Variants in SCARB2 observed in about 807,000 individuals in gnomAD.
The protein encoded by SCARB2 is scavenger receptor class B member 2, also known as lysosome membrane protein 2.
A neutral mutation model predicts 58.6 loss-of-function variants in SCARB2; 29 were observed. That is an observed-to-expected ratio of 0.49 (90% CI 0.37 to 0.67). The LOEUF (loss-of-function observed/expected upper bound fraction) is 0.67, where lower values mean the gene tolerates loss of function less well. SCARB2 is among the 30% of genes least tolerant of loss of function. The pLI, the probability that SCARB2 is intolerant of heterozygous loss-of-function variation, is 0.00. For missense variants in SCARB2, 488 were observed against 578.5 expected, an observed-to-expected ratio of 0.84 and a Z score of 1.60; for synonymous variants, 195 against 210.1, an observed-to-expected ratio of 0.93 and a Z score of 0.62.
At chr4:76,184,790 AAAAAAAAAATTTT>A in intron 2 of SCARB2, 1 of 321,396 alleles carries the variant, frequency 3.1e-6, no homozygotes, top group South Asian at 2.7e-5. Flanking sequence ...TCTACCAAAA[AAAAAAAAAATTTT>A]AATTTAAAAA....
upstream of SCARB2, chr4:76,214,444 G>T (rs1199931640): frequency 2.1e-5 from 8 of 388,624 alleles, no homozygotes; most frequent in Admixed American, 2.4e-4. Context: ...GGCATTGGGG[G>T]TGAAAGAGCA....
intron 1 of SCARB2, among the ~76,000 whole-genome samples, chr4:76,207,708 T>C (rs1482419736): frequency 1.3e-5 from 2 of 152,242 alleles, no homozygotes; most frequent in East Asian, 3.8e-4. Flanking sequence ...CAACATCCTA[T>C]GTTTTCATCA....
chr4:76,233,789 A>G (rs991349009), intron 1 of SCARB2, among the ~76,000 whole-genome samples: 6 of 152,152 alleles, frequency 3.9e-5, no homozygotes, highest in Non-Finnish European at 5.9e-5. Context: ...AGTGCCCCCA[A>G]TATGTAAAAC....
At chr4:76,182,807 A>G (rs552562085) in intron 2 of SCARB2, among the ~76,000 whole-genome samples, 5 of 152,364 alleles carry the variant, frequency 3.3e-5, no homozygotes, top group Non-Finnish European at 7.3e-5. Flanking sequence ...TGTCCCAGTA[A>G]ACCCATCATA....
At chr4:76,172,189 T>A (rs1483249498) in intron 7 of SCARB2, among the ~76,000 whole-genome samples, 1 of 147,758 alleles carries the variant, frequency 6.8e-6, no homozygotes, top group Non-Finnish European at 1.5e-5. Context: ...TGAAAAATAC[T>A]TTTGTCAGTT....
chr4:76,200,920 G>A (rs1007756361), intron 1 of SCARB2, among the ~76,000 whole-genome samples: 2 of 152,128 alleles, frequency 1.3e-5, no homozygotes, highest in Non-Finnish European at 2.9e-5. Context: ...CCTCTCTCCA[G>A]CCTTTTTCCT....
In SCARB2 at chr4:76,174,012, C is replaced by A. The variant is rs1313237268; in HGVS notation, c.994+132G>T. On this transcript the variant is annotated intron_variant, in intron 7 of 11. Coordinates refer to ENST00000264896, the MANE Select transcript of SCARB2 (RefSeq NM_005506.4). ...TTGAGAACTCCTGGGCTCAAGTGAT[C>A]ATCCCACCTCAGCATCCTTAGTAGC... 4 of 1,122,506 alleles carry A rather than the reference C, an allele frequency of 3.6e-6. No individual in the cohort carries two copies. The African/African-American group carries it at 6.2e-5, about 17-fold the overall frequency. The allele number at this position is 1,122,506 out of a possible 1,614,324, so 69.5% of individuals were successfully genotyped here.
intron 1 of SCARB2, among the ~76,000 whole-genome samples, chr4:76,205,921 G>C (rs1461727282): frequency 6.6e-6 from 1 of 152,172 alleles, no homozygotes; most frequent in Non-Finnish European, 1.5e-5. Flanking sequence ...CCTTCACTGG[G>C]CCTTGGGAGC....
intron 9 of SCARB2, 191 bp from the exon 10 acceptor site, chr4:76,166,492 G>T: frequency 1.6e-6 from 1 of 642,862 alleles, no homozygotes; most frequent in Non-Finnish European, 2.8e-6. Flanking sequence ...GCAATTCCAT[G>T]TGCTGTACGT....
chr4:76,199,526 T>C (rs892510315), intron 1 of SCARB2, among the ~76,000 whole-genome samples: 3 of 152,244 alleles, frequency 2.0e-5, no homozygotes, highest in African/African-American at 7.2e-5. Flanking sequence ...CATTAACAAC[T>C]GATACATCGG....
upstream of SCARB2, chr4:76,217,491 GAA>G: frequency 2.4e-6 from 1 of 409,224 alleles, no homozygotes; most frequent in Non-Finnish European, 4.3e-6. Flanking sequence ...GCGGGTTGTT[GAA>G]AAGAGCTGGC....
At chr4:76,189,114 T>C (rs17001604) in intron 2 of SCARB2, among the ~76,000 whole-genome samples, 16,232 of 152,274 alleles carry the variant, frequency 0.11, 1,065 homozygotes, top group East Asian at 0.21. Context: ...ATGTTTAATT[T>C]ACATATTCCA....
rs1560723450 is a variant in SCARB2 at position 76,213,470 on chromosome 4, A to C, written c.74T>G (p.Val25Gly). The C allele has an allele frequency of 2.5e-6, 4 of 1,610,732 alleles. No homozygotes were observed. Among genetic ancestry groups the C allele is most frequent in the Non-Finnish European group, 3.4e-6 (4 of 1,178,578 alleles). Residue 25 changes from valine (V) to glycine (G), a missense_variant, in exon 1 of 12, where the codon GTG (valine) becomes GGG (glycine). Physicochemically the swap from Val to Gly is moderately radical, Grantham distance 109. Coordinates refer to ENST00000264896, the MANE Select transcript of SCARB2 (RefSeq NM_005506.4). ...LLLVTSVTLL[V>G]ARVFQKAVDQ... ...TACAGCCTTCTGGAAGACCCGGGCC[A>C]CCAGCAGCGTGACGCTGGTCACCAG...
chr4:76,231,664 G>A (rs7665133), intron 1 of SCARB2, among the ~76,000 whole-genome samples: 63 of 152,314 alleles, frequency 4.1e-4, no homozygotes, highest in African/African-American at 1.5e-3. Context: ...GATTGGCTTC[G>A]ATGGAAGTTT....
At chr4:76,209,080 A>G (rs1378130614) in intron 1 of SCARB2, among the ~76,000 whole-genome samples, 1 of 152,226 alleles carries the variant, frequency 6.6e-6, no homozygotes, top group Non-Finnish European at 1.5e-5. Context: ...CTTCTATTCC[A>G]AGAGCCTCAA....
chr4:76,173,322 T>G (rs1047600645), intron 7 of SCARB2: 7 of 70,800 alleles, frequency 9.9e-5, no homozygotes, highest in African/African-American at 3.2e-4. Flanking sequence ...CCACTTTTTC[T>G]TTTAGCTTTT....
chr4:76,179,679 G>A lies in SCARB2; in HGVS notation c.450C>T (p.His150=). The change falls in exon 4 of 12, where the codon CAC becomes CAT. Residue 150 remains histidine (H), a synonymous_variant. Transcript: ENST00000264896. ...TGGCCTCGATGATCTCCCTGAGGAA[G>A]TGCACCTGGGACCACTCTATGACAG... ...VLTVIEWSQV[H]FLREIIEAML... 1 of 1,613,924 alleles carries A rather than the reference G, an allele frequency of 6.2e-7. No homozygotes were observed. Among genetic ancestry groups the A allele is most frequent in the Non-Finnish European group, 8.5e-7 (1 of 1,179,908 alleles).
chr4:76,172,308 C>T (rs1410611826), intron 7 of SCARB2, among the ~76,000 whole-genome samples: 1 of 151,378 alleles, frequency 6.6e-6, no homozygotes, highest in Non-Finnish European at 1.5e-5. Flanking sequence ...ACTCTGTTGC[C>T]CAGGCTGGAG....
chr4:76,182,953 G>A (rs1165904033), intron 2 of SCARB2, among the ~76,000 whole-genome samples: 1 of 152,058 alleles, frequency 6.6e-6, no homozygotes, highest in Non-Finnish European at 1.5e-5. Context: ...TCACACAATC[G>A]CGAAGTCAAA....
Sources: gnomAD v4.1 joint callset for allele counts (sites outside exome capture counted in the v4.1 genomes callset) on GRCh38, gnomAD v4.1.1 for gene constraint, MANE v1.5 for transcripts, NCBI Gene and HGNC (gene_info 2026-07-23, HGNC 2026-07-21) for gene names.